The following ADGRL2 variants were observed in gnomAD, a reference collection of about 807,000 sequenced individuals.
ADGRL2 encodes calcium-independent alpha-latrotoxin receptor 2.
A neutral mutation model predicts 157.4 loss-of-function variants in ADGRL2; 44 were observed. The observed-to-expected ratio is 0.28, with a 90% CI of 0.22 to 0.36. ADGRL2 has a LOEUF of 0.36. ADGRL2 is among the 10% of genes least tolerant of loss of function. The pLI is 1.00. For synonymous variants in ADGRL2, 585 were observed against 624.7 expected, an observed-to-expected ratio of 0.94 and a Z score of 0.95; for missense variants, 1,510 against 1,768.9, an observed-to-expected ratio of 0.85 and a Z score of 2.63.
chr1:81,322,107 TATACAC>T (rs1488499002), intron 1 of ADGRL2, among the ~76,000 whole-genome samples: 1 of 119,610 alleles, frequency 8.4e-6, no homozygotes, highest in African/African-American at 2.9e-5. Flanking sequence ...TATATATATA[TATACAC>T]ATATATATAT....
At chr1:81,353,691 G>A (rs745446385) in intron 1 of ADGRL2, among the ~76,000 whole-genome samples, 24 of 152,178 alleles carry the variant, frequency 1.6e-4, no homozygotes, top group Non-Finnish European at 3.1e-4. Context: ...TCATTGAAGA[G>A]CAATGTCTTC....
At chr1:81,656,179 T>C (rs2148861684) in intron 3 of ADGRL2, among the ~76,000 whole-genome samples, 1 of 152,342 alleles carries the variant, frequency 6.6e-6, no homozygotes, top group South Asian at 2.1e-4. Context: ...AACTACCTTA[T>C]GGACTTCACA....
chr1:81,823,140 A>G (rs1479945113), intron 1 of ADGRL2, among the ~76,000 whole-genome samples: 1 of 150,642 alleles, frequency 6.6e-6, no homozygotes, highest in Non-Finnish European at 1.5e-5. Context: ...TTTTTTTTTA[A>G]TTTAACTTTC....
intron 3 of ADGRL2, among the ~76,000 whole-genome samples, chr1:81,656,521 C>T (rs2082536629): frequency 6.6e-6 from 1 of 152,154 alleles, no homozygotes; most frequent in African/African-American, 2.4e-5. Context: ...CACAGTCGCA[C>T]TTCTAAACAC....
intron 23 of ADGRL2, chr1:81,989,623 A>G: frequency 6.3e-7 from 1 of 1,595,100 alleles, no homozygotes; most frequent in Non-Finnish European, 8.6e-7. Flanking sequence ...TCATCATGTT[A>G]CAATAAATCA....
intron 2 of ADGRL2, among the ~76,000 whole-genome samples, chr1:81,765,497 T>C (rs914044982): frequency 4.6e-5 from 7 of 152,040 alleles, no homozygotes; most frequent in African/African-American, 1.7e-4. Flanking sequence ...GTAAACTAAA[T>C]TGAAATGCAA....
At chr1:81,648,221 C>T (rs941014178) in intron 3 of ADGRL2, among the ~76,000 whole-genome samples, 4 of 152,116 alleles carry the variant, frequency 2.6e-5, no homozygotes, top group East Asian at 1.9e-4. Context: ...AACTAAGAAC[C>T]GCCTTTCTAT....
intron 3 of ADGRL2, among the ~76,000 whole-genome samples, chr1:81,645,998 A>G (rs754074016): frequency 2.2e-4 from 34 of 152,308 alleles, no homozygotes; most frequent in Middle Eastern, 3.4e-3. Flanking sequence ...ATGTTATCAA[A>G]AAACTTAAGT....
At chr1:81,364,930 C>T (rs1480477242) in intron 1 of ADGRL2, among the ~76,000 whole-genome samples, 1 of 152,106 alleles carries the variant, frequency 6.6e-6, no homozygotes, top group Non-Finnish European at 1.5e-5. Flanking sequence ...TCCCAAAGTG[C>T]TGAGATTACA....
intron 3 of ADGRL2, among the ~76,000 whole-genome samples, chr1:81,598,648 G>A (rs1011861381): frequency 6.6e-6 from 1 of 152,208 alleles, no homozygotes. Flanking sequence ...TAAAGGACAT[G>A]TATATTGCAG....
At chr1:81,523,268 C>CTGA (rs1280247990) in intron 2 of ADGRL2, among the ~76,000 whole-genome samples, 1 of 151,980 alleles carries the variant, frequency 6.6e-6, no homozygotes, top group Non-Finnish European at 1.5e-5. Flanking sequence ...ACAAGATAAG[C>CTGA]TGATACCAAA....
At chr1:81,817,675 T>C (rs1037073321) in intron 1 of ADGRL2, among the ~76,000 whole-genome samples, 1 of 152,100 alleles carries the variant, frequency 6.6e-6, no homozygotes, top group African/African-American at 2.4e-5. Flanking sequence ...TAGGGTGTAA[T>C]AAAAATCATA....
chr1:81,607,149 A>G (rs1167239033), intron 3 of ADGRL2, among the ~76,000 whole-genome samples: 1 of 152,214 alleles, frequency 6.6e-6, no homozygotes, highest in Admixed American at 6.5e-5. Context: ...TCTATGAGTT[A>G]CTATGACTGT....
At chr1:81,306,455 T>C (rs1413620803) in exon 1 of ADGRL2, 1 of 152,202 alleles carries the variant, frequency 6.6e-6, no homozygotes, top group East Asian at 1.9e-4. Flanking sequence ...TGCCTGGCTT[T>C]ACTTACAACT....
At chr1:81,870,205 T>C (rs932729569) in intron 2 of ADGRL2, among the ~76,000 whole-genome samples, 1 of 25,580 alleles carries the variant, frequency 3.9e-5, no homozygotes, top group African/African-American at 1.2e-4. Context: ...TTGAAATAGA[T>C]GATTTGCAAA....
At chr1:81,439,436 C>A (rs887471035) in intron 1 of ADGRL2, among the ~76,000 whole-genome samples, 1 of 152,234 alleles carries the variant, frequency 6.6e-6, no homozygotes, top group Non-Finnish European at 1.5e-5. Flanking sequence ...AATAACGAAA[C>A]CTACTGATGC....
intron 2 of ADGRL2, among the ~76,000 whole-genome samples, chr1:81,853,369 G>C (rs1034732123): frequency 6.6e-6 from 1 of 152,148 alleles, no homozygotes; most frequent in African/African-American, 2.4e-5. Flanking sequence ...AGGTGCTTAT[G>C]TGGCAAGAGG....
chr1:81,720,524 T>C (rs1015417447), intron 1 of ADGRL2, among the ~76,000 whole-genome samples: 8 of 152,138 alleles, frequency 5.3e-5, no homozygotes, highest in African/African-American at 1.9e-4. Flanking sequence ...TTTCTTCACC[T>C]GTTCGTTTTT....
At chr1:81,515,631 T>C (rs1230747118) in intron 2 of ADGRL2, among the ~76,000 whole-genome samples, 1 of 152,178 alleles carries the variant, frequency 6.6e-6, no homozygotes, top group Non-Finnish European at 1.5e-5. Context: ...AGAACAAAAA[T>C]GATGTATGTT....
Sources: allele counts gnomAD v4.1 joint callset (sites outside exome capture counted in the v4.1 genomes callset), GRCh38; gene constraint gnomAD v4.1.1; transcripts MANE v1.5; gene names NCBI Gene and HGNC (gene_info 2026-07-23, HGNC 2026-07-21).